CLSTN2: variants seen among roughly 807,000 people sequenced by gnomAD.
CLSTN2 encodes the protein calsyntenin 2, also known as calsyntenin-2.
Under a neutral mutation model 101.2 loss-of-function variants are expected in CLSTN2, and 48 were observed. The ratio of observed to expected loss-of-function variants is 0.47; its 90% confidence interval spans 0.38 to 0.60. The LOEUF (loss-of-function observed/expected upper bound fraction) is 0.60. Among genes scored for constraint, CLSTN2 ranks in the 20% least tolerant of loss-of-function variants. The pLI is 0.00. For synonymous variants in CLSTN2, 481 were observed against 463.6 expected, an observed-to-expected ratio of 1.04 and a Z score of -0.48; for missense variants, 1,160 against 1,238.2, an observed-to-expected ratio of 0.94 and a Z score of 0.95.
At chr3:140,146,321 A>G (rs886206635) in intron 1 of CLSTN2, among the ~76,000 whole-genome samples, 13 of 152,274 alleles carry the variant, frequency 8.5e-5, no homozygotes, top group African/African-American at 3.1e-4. Flanking sequence ...GCAGTGTGCA[A>G]CACAGGTTGT....
intron 1 of CLSTN2, among the ~76,000 whole-genome samples, chr3:140,160,559 G>T (rs1429439745): frequency 1.3e-5 from 2 of 152,012 alleles, no homozygotes; most frequent in Non-Finnish European, 2.9e-5. Flanking sequence ...TTCCATGCTG[G>T]ACTGTTCTAG....
At chr3:140,441,696 G>A (rs1402178756) in intron 5 of CLSTN2, among the ~76,000 whole-genome samples, 1 of 152,180 alleles carries the variant, frequency 6.6e-6, no homozygotes, top group Non-Finnish European at 1.5e-5. Context: ...CATGCCTAGA[G>A]GCCACGCAGA....
chr3:140,229,455 G>T (rs2107858777), intron 2 of CLSTN2, among the ~76,000 whole-genome samples: 1 of 151,992 alleles, frequency 6.6e-6, no homozygotes. Context: ...CACATTTCTG[G>T]GGACACTACA....
At position 140,462,163 on chromosome 3, in the gene CLSTN2, T is replaced by C. The variant is rs926210946; in HGVS notation, c.1222+2394T>C. Reference sequence around the variant, plus strand: ...TGTTATTTTTGCTTCTGTGTATATGTAGAATGCCTTTAAACTTTTATAATA... The same window carrying C: ...TGTTATTTTTGCTTCTGTGTATATGCAGAATGCCTTTAAACTTTTATAATA... On this transcript the variant is annotated intron_variant, in intron 7 of 16. Coordinates refer to ENST00000458420, the MANE Select transcript of CLSTN2 (RefSeq NM_022131.3). Among the ~76,000 whole-genome samples the C allele has an allele frequency of 2.6e-5, 4 of 152,072 alleles. No homozygotes were observed. The South Asian group carries it at 8.3e-4, about 31-fold the overall frequency.
intron 1 of CLSTN2, among the ~76,000 whole-genome samples, chr3:139,950,968 A>G (rs1447744782): frequency 6.6e-6 from 1 of 152,204 alleles, no homozygotes; most frequent in African/African-American, 2.4e-5. Flanking sequence ...TGACTTTTTT[A>G]AATGCTGAAA....
At chr3:140,351,046 G>C (rs75344236) in intron 2 of CLSTN2, among the ~76,000 whole-genome samples, 215 of 152,308 alleles carry the variant, frequency 1.4e-3, no homozygotes, top group African/African-American at 4.8e-3. Flanking sequence ...CAGGTGCAGA[G>C]AGAGAGGCCA....
intron 1 of CLSTN2, among the ~76,000 whole-genome samples, chr3:140,042,914 A>G (rs2007791034): frequency 6.6e-6 from 1 of 152,212 alleles, no homozygotes; most frequent in Non-Finnish European, 1.5e-5. Flanking sequence ...TTCTTAATCC[A>G]GTCTATCACT....
intron 2 of CLSTN2, among the ~76,000 whole-genome samples, chr3:140,221,838 GAGAAAAGGGAATCCTT>G (rs2086276382): frequency 6.6e-6 from 1 of 152,114 alleles, no homozygotes; most frequent in South Asian, 2.1e-4. Context: ...CAAGGATGTG[GAGAAAAGGGAATCCTT>G]ATACACTATT....
At position 140,523,679 on chromosome 3, in the gene CLSTN2, T is replaced by G. The variant is rs139734009; in HGVS notation, c.1345-8645T>G. On this transcript the variant is annotated intron_variant, in intron 8 of 16. Transcript: ENST00000458420. ...CTCCCAAGGATTAGAAGGGTTCCCT[T>G]ATTTTCCCAAAGTCAGAACATGATT... 6.4e-4 allele frequency among the ~76,000 whole-genome samples: 97 copies of G among 152,322 alleles called. 1 individual carries two copies. The highest frequency in any genetic ancestry group is 2.2e-3 in the African/African-American group (93 of 41,582).
intron 1 of CLSTN2, among the ~76,000 whole-genome samples, chr3:140,070,606 A>G (rs1160060671): frequency 1.3e-5 from 2 of 150,492 alleles, no homozygotes; most frequent in African/African-American, 2.5e-5. Flanking sequence ...TTGGATGGCC[A>G]GATTTGATAC....
At chr3:139,949,543 C>A (rs1279552486) in intron 1 of CLSTN2, among the ~76,000 whole-genome samples, 1 of 152,112 alleles carries the variant, frequency 6.6e-6, no homozygotes, top group African/African-American at 2.4e-5. Flanking sequence ...GGTTAGGGAC[C>A]TTTTGGGTAT....
chr3:139,971,572 C>T (rs898313271), intron 1 of CLSTN2, among the ~76,000 whole-genome samples: 4 of 152,130 alleles, frequency 2.6e-5, no homozygotes, highest in Admixed American at 1.3e-4. Flanking sequence ...GAAAGGGGAG[C>T]GGTTCCCCAA....
intron 2 of CLSTN2, among the ~76,000 whole-genome samples, chr3:140,240,231 TATG>T (rs2086453175): frequency 1.6e-5 from 1 of 63,872 alleles, no homozygotes; most frequent in Non-Finnish European, 3.5e-5. Flanking sequence ...CATATATATA[TATG>T]CATATATACA....
At chr3:139,998,639 T>C (rs891243376) in intron 1 of CLSTN2, among the ~76,000 whole-genome samples, 1 of 152,076 alleles carries the variant, frequency 6.6e-6, no homozygotes, top group South Asian at 2.1e-4. Context: ...CCACCGTGCC[T>C]GGCCACTTTT....
intron 1 of CLSTN2, among the ~76,000 whole-genome samples, chr3:140,136,212 A>T (rs996716742): frequency 7.9e-5 from 12 of 152,188 alleles, no homozygotes; most frequent in Non-Finnish European, 1.5e-4. Context: ...TGATGAGCAT[A>T]GGCAAATCTC....
chr3:140,538,852 C>T (rs184740654), intron 9 of CLSTN2, among the ~76,000 whole-genome samples: 3 of 152,122 alleles, frequency 2.0e-5, no homozygotes, highest in Non-Finnish European at 4.4e-5. Flanking sequence ...AAGGTCAAGT[C>T]GGGGAAACAG....
At chr3:140,414,729 A>C (rs974966528) in intron 4 of CLSTN2, among the ~76,000 whole-genome samples, 1 of 152,184 alleles carries the variant, frequency 6.6e-6, no homozygotes, top group Admixed American at 6.5e-5. Flanking sequence ...AAATTTAAAA[A>C]TCTAATAAAA....
intron 2 of CLSTN2, among the ~76,000 whole-genome samples, chr3:140,283,044 G>A (rs1450125534): frequency 6.6e-6 from 1 of 151,972 alleles, no homozygotes; most frequent in Non-Finnish European, 1.5e-5. Flanking sequence ...CTGGGAATGA[G>A]GTACAATCCC....
At chr3:140,121,180 G>T (rs1054424752) in intron 1 of CLSTN2, among the ~76,000 whole-genome samples, 1 of 152,188 alleles carries the variant, frequency 6.6e-6, no homozygotes, top group Non-Finnish European at 1.5e-5. Context: ...ATGATGAAAA[G>T]GTTACAGGAA....
Sources: gnomAD v4.1 joint callset for allele counts (sites outside exome capture counted in the v4.1 genomes callset) on GRCh38, gnomAD v4.1.1 for gene constraint, MANE v1.5 for transcripts, NCBI Gene and HGNC (gene_info 2026-07-23, HGNC 2026-07-21) for gene names.